DMTF1: variants seen among roughly 807,000 people sequenced by gnomAD.
DMTF1 encodes cyclin-D-binding Myb-like transcription factor 1.
Under a neutral mutation model 91.1 loss-of-function variants are expected in DMTF1, and 39 were observed. That is an observed-to-expected ratio of 0.43 (90% CI 0.33 to 0.56). The LOEUF is 0.56. Among genes scored for constraint, DMTF1 ranks in the 20% least tolerant of loss-of-function variants. The pLI is 0.05. For missense variants in DMTF1, 750 were observed against 914.5 expected (o/e 0.82, Z 2.32); for synonymous variants, 338 against 309.5 (o/e 1.09, Z -0.97).
chr7:87,158,289 ATAAT>A (rs1006754049), intron 1 of DMTF1, among the ~76,000 whole-genome samples: 1 of 152,092 alleles, frequency 6.6e-6, no homozygotes, highest in African/African-American at 2.4e-5. Context: ...AATGATTAAA[ATAAT>A]TCTAAAAGGT....
intron 2 of DMTF1, 49 bp from the exon 3 acceptor site, chr7:87,164,885 A>G: frequency 2.7e-6 from 3 of 1,130,438 alleles, no homozygotes; most frequent in Non-Finnish European, 3.9e-6. Context: ...AATACTTCAT[A>G]TTTGGGAATA....
At chr7:87,176,466 C>G (rs1003377521) in intron 7 of DMTF1, among the ~76,000 whole-genome samples, 8 of 152,074 alleles carry the variant, frequency 5.3e-5, no homozygotes, top group African/African-American at 1.9e-4. Flanking sequence ...TCTCAAGGAC[C>G]CTTCCAAGTT....
intron 5 of DMTF1, among the ~76,000 whole-genome samples, chr7:87,173,132 C>T (rs1396381797): frequency 6.6e-6 from 1 of 152,178 alleles, no homozygotes; most frequent in Non-Finnish European, 1.5e-5. Context: ...TTCCATTTTC[C>T]TATCTAGAAC....
intron 7 of DMTF1, 32 bp downstream of exon 7, chr7:87,174,701 ATTTG>A (rs1464798633): frequency 2.0e-6 from 3 of 1,502,188 alleles, no homozygotes. Flanking sequence ...TGTTTCACCA[ATTTG>A]TTTATTGCCA....
intron 10 of DMTF1, among the ~76,000 whole-genome samples, chr7:87,182,599 T>A (rs949162278): frequency 2.0e-5 from 3 of 152,244 alleles, no homozygotes; most frequent in Admixed American, 6.5e-5. Flanking sequence ...TGTTTCAGTT[T>A]TGTAACAATT....
chr7:87,193,071 A>G (rs1800250785), intron 14 of DMTF1, 127 bp from the exon 15 acceptor site: 1 of 907,010 alleles, frequency 1.1e-6, no homozygotes, highest in South Asian at 1.6e-5. Context: ...TATGCCCTAC[A>G]TTGTATTACT....
At chr7:87,191,078 G>C (rs1334701085) in intron 14 of DMTF1, 51 bp downstream of exon 14, 1 of 1,191,710 alleles carries the variant, frequency 8.4e-7, no homozygotes, top group Non-Finnish European at 1.2e-6. Flanking sequence ...AGAAAGATCA[G>C]TTGCTATCAC....
At chr7:87,194,170 CTTT>C in intron 16 of DMTF1, 68 bp downstream of exon 16, 2 of 1,487,938 alleles carry the variant, frequency 1.3e-6, no homozygotes, top group Non-Finnish European at 1.8e-6. Flanking sequence ...GTTTGGGAAA[CTTT>C]TTTCTGAAGA....
At chr7:87,192,419 C>CA (rs1477063419) in intron 14 of DMTF1, 1 of 151,980 alleles carries the variant, frequency 6.6e-6, no homozygotes, top group Non-Finnish European at 1.5e-5. Flanking sequence ...TTTCTAATCC[C>CA]AAACACTTTC....
At chr7:87,155,369 A>G (rs1381088008) in intron 1 of DMTF1, 1 of 151,606 alleles carries the variant, frequency 6.6e-6, no homozygotes, top group African/African-American at 2.4e-5. Context: ...TTAATAGTCC[A>G]TTTTTTTTCT....
intron 1 of DMTF1, among the ~76,000 whole-genome samples, chr7:87,157,895 A>G (rs1214364963): frequency 1.3e-5 from 2 of 151,940 alleles, no homozygotes; most frequent in Admixed American, 6.5e-5. Flanking sequence ...CATTGACAAC[A>G]TGTACAAACC....
At chr7:87,194,874 GA>G (rs757294441) in intron 17 of DMTF1, 46 bp downstream of exon 17, 20 of 1,547,054 alleles carry the variant, frequency 1.3e-5, no homozygotes, top group Admixed American at 1.9e-5. Flanking sequence ...ATTTTAGATG[GA>G]AAAAAACAGA....
intron 5 of DMTF1, among the ~76,000 whole-genome samples, chr7:87,172,326 A>G (rs1163649022): frequency 2.6e-5 from 4 of 152,216 alleles, no homozygotes; most frequent in Admixed American, 6.5e-5. Flanking sequence ...AAACTTATTC[A>G]CACTTGTTCC....
chr7:87,161,226 A>G (rs1036081916), intron 1 of DMTF1, among the ~76,000 whole-genome samples: 3 of 152,058 alleles, frequency 2.0e-5, no homozygotes, highest in African/African-American at 7.2e-5. Flanking sequence ...GACCAGGCAC[A>G]TTGGCTCACG....
chr7:87,184,527 A>C lies in DMTF1; in HGVS notation c.951A>C (p.Ser317=). ...TGGCTGAACGAGTCGGTACCCGCTC[A>C]GAAAAGCAATGTCGTTCTAAATGGC... ...AAVAERVGTR[S]EKQCRSKWLN... Residue 317 remains serine (S), a synonymous_variant, in exon 11 of 18, where the codon TCA becomes TCC. Transcript: ENST00000331242. 1.9e-6 allele frequency: 3 copies of C among 1,614,074 alleles called. No homozygotes were observed. Among genetic ancestry groups the C allele is most frequent in the Non-Finnish European group, 2.5e-6 (3 of 1,179,964 alleles).
chr7:87,189,787 A>C (rs1484576710), intron 13 of DMTF1, among the ~76,000 whole-genome samples: 3 of 152,142 alleles, frequency 2.0e-5, no homozygotes, highest in South Asian at 4.1e-4. Context: ...GCTTTTAAAC[A>C]ACCCTTTGAA....
chr7:87,154,244 C>G (rs983714766), intron 1 of DMTF1: 9 of 152,146 alleles, frequency 5.9e-5, no homozygotes, highest in Admixed American at 3.3e-4. Flanking sequence ...CAAAAACCAG[C>G]CTGATTGTAT....
At chr7:87,164,600 A>G (rs1179543524) in intron 2 of DMTF1, among the ~76,000 whole-genome samples, 1 of 152,252 alleles carries the variant, frequency 6.6e-6, no homozygotes, top group African/African-American at 2.4e-5. Flanking sequence ...AGCTGTCCAT[A>G]AAAACACAGT....
intron 8 of DMTF1, among the ~76,000 whole-genome samples, chr7:87,180,856 C>CTTTTTT (rs397889347): frequency 1.3e-4 from 17 of 127,698 alleles, no homozygotes; most frequent in Admixed American, 2.4e-4. Flanking sequence ...TTATTTTCAA[C>CTTTTTT]TTTTTTTTTT....
Sources: gnomAD v4.1 joint callset for allele counts (sites outside exome capture counted in the v4.1 genomes callset) on GRCh38, gnomAD v4.1.1 for gene constraint, MANE v1.5 for transcripts, NCBI Gene and HGNC (gene_info 2026-07-23, HGNC 2026-07-21) for gene names.